The following RYR1 variants were observed in gnomAD, a reference collection of about 807,000 sequenced individuals.
RYR1 encodes the protein central core disease of muscle.
Under a neutral mutation model 583.5 loss-of-function variants are expected in RYR1, and 342 were observed. The observed-to-expected ratio is 0.59, with a 90% CI of 0.54 to 0.64. The LOEUF (loss-of-function observed/expected upper bound fraction) is 0.64. Among genes scored for constraint, RYR1 ranks in the 30% least tolerant of loss-of-function variants. The pLI is 0.00. For synonymous variants in RYR1, 2,791 were observed against 2,822.5 expected, an observed-to-expected ratio of 0.99 and a Z score of 0.35; for missense variants, 6,032 against 6,917.2, an observed-to-expected ratio of 0.87 and a Z score of 4.54.
Position 38,561,279 on chromosome 19 carries a change from C to G in RYR1, c.12449C>G (p.Ser4150Trp), listed in dbSNP as rs143843083. ...GTGGCGGTGCTGCTGACCAACCTGT[C>G]GGAGCATGTGCCGCATGACCCTCGC... is the stretch of plus-strand genomic sequence containing the variant. ...FNVAVLLTNL[S>W]EHVPHDPRLH... Residue 4150 changes from serine (S) to tryptophan (W), a missense_variant, in exon 90 of 106, where the codon TCG becomes TGG. Around this residue, in one of 11 missense-constraint regions of RYR1, gnomAD observed 753 missense variants for 759.6 expected, o/e 0.99. Transcript: ENST00000359596. This position sits in a 1 kb window ranked among gnomAD's most constrained non-coding sequence, Gnocchi z 4.8. 6 of 1,614,048 alleles carry G rather than the reference C, an allele frequency of 3.7e-6. No individual in the cohort carries two copies. In the African/African-American group the frequency reaches 8.0e-5, roughly 22 times the overall value.
intron 1 of RYR1, among the ~76,000 whole-genome samples, chr19:38,439,906 A>T (rs941414140): frequency 6.6e-6 from 1 of 152,212 alleles, no homozygotes; most frequent in Non-Finnish European, 1.5e-5. Flanking sequence ...ATAAAATAGC[A>T]GTCTATTATT....
chr19:38,565,114 C>G lies in RYR1; in HGVS notation c.12780C>G (p.Asp4260Glu). The G allele has an allele frequency of 1.9e-6, 3 of 1,541,468 alleles. No homozygotes were observed. The highest frequency in any genetic ancestry group is 2.6e-6 in the Non-Finnish European group (3 of 1,147,426). ...ISEPEGEPET[D>E]EDEGAGAAEA... ...AGCCCGAGGGCGAGCCGGAGACCGA[C>G]GAGGACGAGGGCGCGGGCGCGGCGG... Residue 4260 changes from aspartate (D) to glutamate (E), a missense_variant, in exon 91 of 106, where the codon GAC becomes GAG. Around this residue, in one of 11 missense-constraint regions of RYR1, gnomAD observed 753 missense variants for 759.6 expected, o/e 0.99. Coordinates refer to ENST00000359596, the MANE Select transcript of RYR1 (RefSeq NM_000540.3). This position sits in a 1 kb window ranked among gnomAD's most constrained non-coding sequence, Gnocchi z 4.7.
At chr19:38,587,193 A>G in intron 105 of RYR1, 132 bp from the exon 106 acceptor site, 1 of 696,126 alleles carries the variant, frequency 1.4e-6, no homozygotes, top group East Asian at 2.8e-5. Flanking sequence ...AGGAGGCTGT[A>G]GTGAGCTGTG....
intron 67 of RYR1, among the ~76,000 whole-genome samples, chr19:38,521,784 G>A: frequency 7.0e-6 from 1 of 142,616 alleles, no homozygotes; most frequent in Non-Finnish European, 1.5e-5. Context: ...TCTGCTCACT[G>A]CAAGCTCCAC....
rs1331110158 is a variant in RYR1, at chr19:38,477,714, A to C, written c.4298A>C (p.Tyr1433Ser). 1 of 1,614,034 alleles carries C rather than the reference A, an allele frequency of 6.2e-7. No individual in the cohort carries two copies. Among genetic ancestry groups the C allele is most frequent in the Admixed American group, 1.7e-5 (1 of 60,004 alleles). Residue 1433 changes from tyrosine (Y) to serine (S), a missense_variant, in exon 30 of 106, where the codon TAT becomes TCT. Coordinates refer to ENST00000359596, the MANE Select transcript of RYR1 (RefSeq NM_000540.3). ...PEIILNTTTY[Y>S]YSVRVFAGQE... ...TTCCCCTCCTTGTGTCACCAGTACT[A>C]TTACTCCGTGAGGGTCTTTGCTGGA...
chr19:38,562,053 A>G (rs1973169820), intron 90 of RYR1, among the ~76,000 whole-genome samples: 1 of 151,746 alleles, frequency 6.6e-6, no homozygotes, highest in Non-Finnish European at 1.5e-5. Context: ...GTGGGTGCAC[A>G]CCTCTTGCAC....
At chr19:38,508,205 TTTTATTTA>T (rs925981855) in intron 58 of RYR1, among the ~76,000 whole-genome samples, 1 of 151,942 alleles carries the variant, frequency 6.6e-6, no homozygotes, top group Non-Finnish European at 1.5e-5. Flanking sequence ...TTATTTTTTA[TTTTATTTA>T]TTTATTTATT....
Position 38,527,633 on chromosome 19 carries a change from C to T in RYR1, c.10687-14C>T. 4 of 1,613,956 alleles carry T rather than the reference C, an allele frequency of 2.5e-6. No individual in the cohort carries two copies. Among genetic ancestry groups the T allele is most frequent in the Non-Finnish European group, 2.5e-6 (3 of 1,179,990 alleles). ...GGGTCCCTCACGCCGGCCACTCCTT[C>T]TTCCTCCCTTCAGGTCGAAGGCTCC... On this transcript the variant is annotated splice_polypyrimidine_tract_variant and intron_variant, in intron 72 of 105. Coordinates refer to ENST00000359596, the MANE Select transcript of RYR1 (RefSeq NM_000540.3).
chr19:38,454,971 C>T (rs576718857), intron 13 of RYR1, among the ~76,000 whole-genome samples: 1 of 151,864 alleles, frequency 6.6e-6, no homozygotes, highest in South Asian at 2.1e-4. Context: ...TAAACTCAGT[C>T]CTGGTGTTAA....
intron 76 of RYR1, among the ~76,000 whole-genome samples, chr19:38,531,187 G>A (rs1198806535): frequency 1.3e-5 from 2 of 151,798 alleles, no homozygotes; most frequent in East Asian, 3.9e-4. Context: ...TCATTGGCCA[G>A]AAATTCTGAC....
At chr19:38,573,644 C>T (rs1185055228) in intron 96 of RYR1, among the ~76,000 whole-genome samples, 1 of 151,554 alleles carries the variant, frequency 6.6e-6, no homozygotes, top group Admixed American at 6.6e-5. Context: ...CGCACCATTA[C>T]ACTCCAGCCT....
chr19:38,553,586 C>T (rs1029895803), intron 89 of RYR1, among the ~76,000 whole-genome samples: 1 of 150,870 alleles, frequency 6.6e-6, no homozygotes, highest in Non-Finnish European at 1.5e-5. Context: ...CCCAGAAGGT[C>T]AAGGCTGCAG....
In RYR1 at chr19:38,516,191, C is replaced by G; in HGVS notation, c.9659C>G (p.Thr3220Ser). ...LNEYNACSVY[T>S]TKSPRERAIL... ...GAGTACAACGCCTGCTCCGTGTACA[C>G]CACCAAGTCTCCGCGGGAGCGGGCC... Residue 3220 changes from threonine to serine, a missense_variant, in exon 65 of 106, where the codon ACC becomes AGC. Around this residue, in one of 11 missense-constraint regions of RYR1, gnomAD observed 1,493 missense variants for 1,715.5 expected, o/e 0.87. Transcript: ENST00000359596. 1 of 1,577,982 alleles carries G rather than the reference C, an allele frequency of 6.3e-7. No individual in the cohort carries two copies. Among genetic ancestry groups the G allele is most frequent in the Non-Finnish European group, 8.6e-7 (1 of 1,161,682 alleles).
Position 38,463,491 on chromosome 19 carries a change from G to T in RYR1, c.2646G>T (p.Ala882=). ...CGGAGAACATCCACGAGCTCTGGGC[G>T]CTAACCCGCATCGAGCAGGGCTGGA... ...KLAENIHELW[A]LTRIEQGWTY... The change falls in exon 21 of 106, where the codon GCG becomes GCT. Residue 882 remains alanine (A), a synonymous_variant. Coordinates refer to ENST00000359596, the MANE Select transcript of RYR1 (RefSeq NM_000540.3). The T allele has an allele frequency of 6.2e-7, 1 of 1,613,368 alleles. No individual in the cohort carries two copies.
chr19:38,454,071 C>T (rs1251548315), intron 13 of RYR1, among the ~76,000 whole-genome samples: 1 of 152,186 alleles, frequency 6.6e-6, no homozygotes, highest in Non-Finnish European at 1.5e-5. Context: ...GAGTCTCTCT[C>T]TGTCACCCAG....
chr19:38,571,891 C>T, intron 94 of RYR1, 128 bp from the exon 95 acceptor site: 2 of 1,397,382 alleles, frequency 1.4e-6, no homozygotes, highest in Non-Finnish European at 2.0e-6. Context: ...AACCCTTGAT[C>T]TTGATTGACA....
intron 58 of RYR1, 30 bp downstream of exon 58, chr19:38,507,857 G>C (rs1568515734): frequency 2.2e-6 from 3 of 1,377,152 alleles, no homozygotes; most frequent in East Asian, 2.3e-5. Flanking sequence ...GCTTATGCCC[G>C]CCCCACCTGC....
chr19:38,517,626 A>G lies in RYR1; in HGVS notation c.9953A>G (p.Asn3318Ser), dbSNP rs769650528. The change falls in exon 66 of 106, where the codon AAT becomes AGT. Residue 3318 changes from asparagine (N) to serine (S), a missense_variant. Transcript: ENST00000359596. Reference protein sequence around the residue: ...TSDHLNSLLGNILRIIVNNLG... With the variant: ...TSDHLNSLLGSILRIIVNNLG... Reference sequence around the variant, plus strand: ...GACCACCTCAACTCCCTGCTGGGGAATATCCTGAGAATCATCGTCAACAAC... The same window carrying G: ...GACCACCTCAACTCCCTGCTGGGGAGTATCCTGAGAATCATCGTCAACAAC... 2.0e-5 allele frequency: 33 copies of G among 1,614,166 alleles called. 1 individual carries two copies. The South Asian group carries it at 3.4e-4, about 17-fold the overall frequency.
intron 93 of RYR1, among the ~76,000 whole-genome samples, chr19:38,569,901 C>T (rs1250789390): frequency 6.6e-6 from 1 of 152,194 alleles, no homozygotes; most frequent in Non-Finnish European, 1.5e-5. Flanking sequence ...AGGTGGCTCA[C>T]ACCTATAATC....
Sources: allele counts gnomAD v4.1 joint callset (sites outside exome capture counted in the v4.1 genomes callset), GRCh38; gene constraint gnomAD v4.1.1; regional missense constraint gnomAD v4.1.1; non-coding constraint Gnocchi (gnomAD v3.1); transcripts MANE v1.5; gene names NCBI Gene and HGNC (gene_info 2026-07-23, HGNC 2026-07-21).